NLRC5: variants seen among roughly 807,000 people sequenced by gnomAD.
The protein encoded by NLRC5 is NLR family CARD domain containing 5, also known as protein NLRC5.
A neutral mutation model predicts 206.9 loss-of-function variants in NLRC5; 114 were observed. The observed-to-expected ratio is 0.55, with a 90% confidence interval of 0.47 to 0.64. The LOEUF (loss-of-function observed/expected upper bound fraction) is 0.64, where lower values mean the gene tolerates loss of function less well. NLRC5 is among the 30% of genes least tolerant of loss of function. The probability of loss-of-function intolerance (pLI) is 0.00; values close to 1 mark genes in which losing one functional copy is unlikely to be tolerated. For synonymous variants in NLRC5, 952 were observed against 962.8 expected (o/e 0.99, Z 0.21); for missense variants, 2,008 against 2,305.5 (o/e 0.87, Z 2.64).
At chr16:57,044,298 C>G (rs1232494575) in intron 20 of NLRC5, among the ~76,000 whole-genome samples, 11 of 138,498 alleles carry the variant, frequency 7.9e-5, no homozygotes, top group African/African-American at 1.1e-4. Flanking sequence ...GAGTGAGACT[C>G]CATCTCAAAA....
At position 57,039,663 on chromosome 16, in the gene NLRC5, GC is replaced by G. The variant is rs1180994246; in HGVS notation, c.2802-116del. On this transcript the variant is annotated intron_variant, in intron 15 of 48. Transcript: ENST00000688547. ...GCCCAGGAGGTGGAGGCTTCAGTGA[GC>G]CATGATTGCACCACTGCACACCAGC... 1.0e-5 allele frequency: 9 copies of G among 862,448 alleles called. No homozygotes were observed. In the East Asian group the frequency reaches 2.2e-4, roughly 21 times the overall value. The allele number at this position is 862,448 out of a possible 1,614,324, so 53.4% of individuals were successfully genotyped here.
chr16:57,077,910 C>T lies in NLRC5; in HGVS notation c.5004-33C>T, dbSNP rs2068609610. On this transcript the variant is annotated intron_variant, in intron 42 of 48. Coordinates refer to ENST00000688547, the MANE Select transcript of NLRC5 (RefSeq NM_001384950.1). ...GGCGGGGGTCCCGAGTGGGCAGGCC[C>T]AGTACTCAATGCTCATTCCTCTCCT... is the stretch of plus-strand genomic sequence containing the variant. 3 of 1,611,774 alleles carry T rather than the reference C, an allele frequency of 1.9e-6. No individual in the cohort carries two copies. In the African/African-American group the frequency reaches 4.0e-5, roughly 21 times the overall value.
chr16:57,070,700 T>A, intron 38 of NLRC5, 82 bp downstream of exon 38: 3 of 1,224,366 alleles, frequency 2.5e-6, no homozygotes, highest in Non-Finnish European at 3.6e-6. Context: ...GTGGGGTTGG[T>A]TAATGGATGG....
At chr16:57,020,088 C>A (rs1278710849) in intron 2 of NLRC5, among the ~76,000 whole-genome samples, 1 of 151,994 alleles carries the variant, frequency 6.6e-6, no homozygotes, top group African/African-American at 2.4e-5. Context: ...GGCCACTTCC[C>A]TGCCTATTTT....
chr16:57,009,177 G>C (rs1243042526), intron 1 of NLRC5, among the ~76,000 whole-genome samples: 1 of 151,908 alleles, frequency 6.6e-6, no homozygotes. Context: ...TGTAGTCCCA[G>C]CTACTTAGGA....
intron 1 of NLRC5, among the ~76,000 whole-genome samples, chr16:57,007,720 C>T (rs1343716893): frequency 6.6e-6 from 1 of 152,132 alleles, no homozygotes; most frequent in Non-Finnish European, 1.5e-5. Context: ...CAGAGTGAGA[C>T]TCTGTCTCAA....
intron 1 of NLRC5, chr16:57,013,208 G>C: frequency 2.2e-6 from 1 of 458,066 alleles, no homozygotes; most frequent in Non-Finnish European, 4.2e-6. Context: ...ATTAAAGGTT[G>C]CGAACAGTAT....
At chr16:56,999,840 G>C (rs964389569) in intron 1 of NLRC5, among the ~76,000 whole-genome samples, 1 of 152,236 alleles carries the variant, frequency 6.6e-6, no homozygotes, top group Non-Finnish European at 1.5e-5. Context: ...CAGAGCCCCA[G>C]GTGGGAGGTA....
intron 2 of NLRC5, among the ~76,000 whole-genome samples, chr16:57,019,691 AAAG>A (rs1156263046): frequency 4.6e-5 from 7 of 152,224 alleles, no homozygotes; most frequent in Admixed American, 2.0e-4. Context: ...AGGAAGGAGC[AAAG>A]AAGAATAGAC....
intron 13 of NLRC5, among the ~76,000 whole-genome samples, chr16:57,035,267 A>T (rs1404341998): frequency 6.6e-6 from 1 of 151,792 alleles, no homozygotes; most frequent in Non-Finnish European, 1.5e-5. Context: ...CTCATCTCTT[A>T]CCTGGATGAC....
At chr16:57,051,447 G>C in intron 23 of NLRC5, 91 bp from the exon 24 acceptor site, 1 of 896,726 alleles carries the variant, frequency 1.1e-6, no homozygotes, top group Non-Finnish European at 1.9e-6. Flanking sequence ...CCCTGGTTAG[G>C]TCCCATCTCC....
chr16:56,998,297 A>C (rs1286419150), intron 1 of NLRC5, among the ~76,000 whole-genome samples: 1 of 151,968 alleles, frequency 6.6e-6, no homozygotes, highest in Non-Finnish European at 1.5e-5. Flanking sequence ...TTTATACATA[A>C]AGCTGATATC....
At chr16:57,021,085 C>T (rs1349670126) in intron 3 of NLRC5, 78 bp downstream of exon 3, 1 of 1,341,266 alleles carries the variant, frequency 7.5e-7, no homozygotes, top group Non-Finnish European at 1.0e-6. Context: ...CCCAGGGACC[C>T]ACCTAAGTCA....
At chr16:57,033,792 C>A in intron 12 of NLRC5, 123 bp downstream of exon 12, 2 of 928,260 alleles carry the variant, frequency 2.2e-6, no homozygotes, top group Non-Finnish European at 3.4e-6. Flanking sequence ...AAAGGATTAG[C>A]CGGGTGTGGT....
intron 1 of NLRC5, among the ~76,000 whole-genome samples, chr16:56,998,897 T>C (rs773195463): frequency 1.3e-5 from 2 of 152,270 alleles, no homozygotes; most frequent in Non-Finnish European, 2.9e-5. Flanking sequence ...TGGAATTTCT[T>C]TATCCAAGAC....
chr16:57,079,589 A>G lies in NLRC5; in HGVS notation c.5281A>G (p.Thr1761Ala). 1 of 1,613,430 alleles carries G rather than the reference A, an allele frequency of 6.2e-7. No homozygotes were observed. Among genetic ancestry groups the G allele is most frequent in the East Asian group, 2.2e-5 (1 of 44,824 alleles). Residue 1761 changes from threonine to alanine, a missense_variant, in exon 46 of 49, where the codon ACC becomes GCC. Physicochemically the swap from Thr to Ala is moderately conservative, Grantham distance 58 (BLOSUM62 0). Transcript: ENST00000688547. ...KIDNQTAKLL[T>A]SSFTSCPALE... ...TGACAACCAGACTGCCAAGCTCCTC[A>G]CCTCCAGCTTCACGAGCTGCCCTGC...
At chr16:57,012,453 C>A (rs554032106) in intron 1 of NLRC5, among the ~76,000 whole-genome samples, 1 of 152,148 alleles carries the variant, frequency 6.6e-6, no homozygotes, top group African/African-American at 2.4e-5. Context: ...GGCTACAGAT[C>A]AGTGTCGGTT....
rs1245148694 is a variant in NLRC5, at chr16:57,082,663, G to A, written c.*135G>A. 5 of 635,168 alleles carry A rather than the reference G, an allele frequency of 7.9e-6. No individual in the cohort carries two copies. Among genetic ancestry groups the A allele is most frequent in the Middle Eastern group, 4.2e-4 (1 of 2,364 alleles). The allele number at this position is 635,168 out of a possible 1,614,324, so 39.3% of individuals were successfully genotyped here. A position where few individuals can be genotyped will look rare whatever the true frequency, so the allele number is the denominator to read the frequency against. On this transcript the variant is annotated 3_prime_UTR_variant, in exon 49 of 49. Coordinates refer to ENST00000688547, the MANE Select transcript of NLRC5 (RefSeq NM_001384950.1). ...GCACTCCACCCAGGAGGAAGGATAC[G>A]TGTGTCCTGCTGCAGTCCTCAGGGA...
At chr16:57,006,704 A>G (rs1029320510) in intron 1 of NLRC5, among the ~76,000 whole-genome samples, 5 of 151,872 alleles carry the variant, frequency 3.3e-5, no homozygotes, top group East Asian at 3.9e-4. Flanking sequence ...ATTATTTTGC[A>G]CATTATGAAG....
Sources: allele counts gnomAD v4.1 joint callset (sites outside exome capture counted in the v4.1 genomes callset), GRCh38; gene constraint gnomAD v4.1.1; transcripts MANE v1.5; gene names NCBI Gene and HGNC (gene_info 2026-07-23, HGNC 2026-07-21).